Variants in ZDHHC14 observed in about 807,000 individuals in gnomAD.
The protein encoded by ZDHHC14 is palmitoyltransferase ZDHHC14.
Under a neutral mutation model 47.7 loss-of-function variants are expected in ZDHHC14, and 16 were observed. The observed-to-expected ratio is 0.34, with a 90% CI of 0.23 to 0.51. The LOEUF (loss-of-function observed/expected upper bound fraction) is 0.51, where lower values mean the gene tolerates loss of function less well. ZDHHC14 is among the 20% of genes least tolerant of loss of function. ZDHHC14 has a pLI of 0.97. For synonymous variants in ZDHHC14, 293 were observed against 278.9 expected, an observed-to-expected ratio of 1.05 and a Z score of -0.50; for missense variants, 515 against 662.5, an observed-to-expected ratio of 0.78 and a Z score of 2.44.
chr6:157,492,190 T>C (rs1244530082), intron 1 of ZDHHC14, among the ~76,000 whole-genome samples: 126 of 118,738 alleles, frequency 1.1e-3, no homozygotes, highest in African/African-American at 2.3e-3. Flanking sequence ...ACCCTCAACA[T>C]CCCCCCTCCG....
chr6:157,430,788 G>T lies in ZDHHC14; in HGVS notation c.245+48522G>T, dbSNP rs139721956. On this transcript the variant is annotated intron_variant, in intron 1 of 8. Coordinates refer to ENST00000359775, the MANE Select transcript of ZDHHC14 (RefSeq NM_024630.3). ...CTATTCTGCCTACTGCATATGTTTT[G>T]AAGATCTTCAATCACTGGTGGCCCT... 1.6e-3 allele frequency among the ~76,000 whole-genome samples: 248 copies of T among 152,354 alleles called. 1 individual carries two copies. The highest frequency in any genetic ancestry group is 2.8e-3 in the Non-Finnish European group (188 of 68,026).
chr6:157,593,181 C>G, intron 3 of ZDHHC14, 35 bp downstream of exon 3: 3 of 1,582,134 alleles, frequency 1.9e-6, no homozygotes, highest in African/African-American at 1.4e-5. Context: ...GGCGGGAGCC[C>G]GGGTCCTCCG....
Position 157,427,734 on chromosome 6 carries a change from G to C in ZDHHC14, c.245+45468G>C, listed in dbSNP as rs1272209875. On this transcript the variant is annotated intron_variant, in intron 1 of 8. Transcript: ENST00000359775. The surrounding 1 kb of genome is among the most constrained non-coding windows in gnomAD (Gnocchi z 4.4). ...CAGATGCGCTAGGGCTGTTCCTCCT[G>C]GAGTAGTGGGAGTCAGAAACACACT... is the stretch of plus-strand genomic sequence containing the variant. Among the ~76,000 whole-genome samples the C allele has an allele frequency of 1.3e-5, 2 of 152,108 alleles. No homozygotes were observed. The highest frequency in any genetic ancestry group is 2.4e-5 in the African/African-American group (1 of 41,414).
chr6:157,524,387 G>A (rs2114772353), intron 1 of ZDHHC14, among the ~76,000 whole-genome samples: 1 of 152,060 alleles, frequency 6.6e-6, no homozygotes, highest in African/African-American at 2.4e-5. Context: ...GCCTGCCTCG[G>A]CCTCCCAAAG....
intron 3 of ZDHHC14, among the ~76,000 whole-genome samples, chr6:157,594,021 T>C (rs998874559): frequency 3.3e-5 from 5 of 152,196 alleles, no homozygotes; most frequent in African/African-American, 1.2e-4. Context: ...GAATAAGCAA[T>C]GGAAACCCTG....
chr6:157,513,090 A>T (rs1474919918), intron 1 of ZDHHC14, among the ~76,000 whole-genome samples: 1 of 152,262 alleles, frequency 6.6e-6, no homozygotes, highest in Non-Finnish European at 1.5e-5. Flanking sequence ...ACTTCTGCAT[A>T]AACGTCTGGC....
intron 1 of ZDHHC14, among the ~76,000 whole-genome samples, chr6:157,388,913 A>G (rs1777368698): frequency 6.6e-6 from 1 of 152,180 alleles, no homozygotes; most frequent in Admixed American, 6.5e-5. Context: ...AGGTCGTCAC[A>G]GTCTGAGCTT....
At position 157,502,074 on chromosome 6, in the gene ZDHHC14, A is replaced by C. The variant is rs1780206289; in HGVS notation, c.246-40511A>C. On this transcript the variant is annotated intron_variant, in intron 1 of 8. Coordinates refer to ENST00000359775, the MANE Select transcript of ZDHHC14 (RefSeq NM_024630.3). This position sits in a 1 kb window ranked among gnomAD's most constrained non-coding sequence, Gnocchi z 4.0. ...TCTCATAATCCACCCAACAGTCTTGAAGTGTTCTTCTTGCTGCAATTGAGA... is the reference window on the plus strand; with the variant it reads ...TCTCATAATCCACCCAACAGTCTTGCAGTGTTCTTCTTGCTGCAATTGAGA... Among the ~76,000 whole-genome samples the C allele has an allele frequency of 6.6e-6, 1 of 152,172 alleles. No homozygotes were observed. Among genetic ancestry groups the C allele is most frequent in the Admixed American group, 6.5e-5 (1 of 15,282 alleles).
Position 157,673,153 on chromosome 6 carries a change from A to G in ZDHHC14, c.*31A>G, listed in dbSNP as rs1308737690. 1 of 1,537,576 alleles carries G rather than the reference A, an allele frequency of 6.5e-7. No homozygotes were observed. Reference sequence around the variant, plus strand: ...ATGGCCCCAGGCCGGGGGACACCAGAGGCTCCTCCATGGGCAGCAGGAGTG... The same window carrying G: ...ATGGCCCCAGGCCGGGGGACACCAGGGGCTCCTCCATGGGCAGCAGGAGTG... On this transcript the variant is annotated 3_prime_UTR_variant, in exon 9 of 9. Coordinates refer to ENST00000359775, the MANE Select transcript of ZDHHC14 (RefSeq NM_024630.3). The surrounding 1 kb of genome is among the most constrained non-coding windows in gnomAD (Gnocchi z 5.4).
intron 1 of ZDHHC14, among the ~76,000 whole-genome samples, chr6:157,436,347 G>A (rs1312259705): frequency 6.6e-6 from 1 of 152,200 alleles, no homozygotes; most frequent in Non-Finnish European, 1.5e-5. Flanking sequence ...ACGCAGTGAA[G>A]CATGTGCTTG....
intron 2 of ZDHHC14, among the ~76,000 whole-genome samples, chr6:157,563,289 A>C (rs1782779847): frequency 6.6e-6 from 1 of 152,222 alleles, no homozygotes; most frequent in Admixed American, 6.5e-5. Flanking sequence ...CCCCTGCCCG[A>C]GCTTGGCCTG....
At chr6:157,422,267 T>G (rs1030632474) in intron 1 of ZDHHC14, among the ~76,000 whole-genome samples, 1 of 152,194 alleles carries the variant, frequency 6.6e-6, no homozygotes, top group African/African-American at 2.4e-5. Context: ...TGTGTTAAGA[T>G]AGATGTGGAC....
chr6:157,535,475 C>T (rs1462370560), intron 1 of ZDHHC14, among the ~76,000 whole-genome samples: 3 of 152,134 alleles, frequency 2.0e-5, no homozygotes, highest in East Asian at 1.9e-4. Flanking sequence ...TGAAACTGAA[C>T]ATCAAGTTTG....
In ZDHHC14 at chr6:157,676,015, AG is replaced by A. The variant is rs1345143505; in HGVS notation, c.*2895del. 6.6e-6 allele frequency: 1 copy of A among 152,136 alleles called. No homozygotes were observed. The highest frequency in any genetic ancestry group is 1.9e-4 in the East Asian group (1 of 5,186). 9.4% of individuals were successfully genotyped at this position (152,136 alleles called of 1,614,324 possible). ...GAACCACAGGCTTCCCGGCACTTGAAGGCTGAACTGAGCGTGAGTGCCCTGG... is the reference window on the plus strand; with the variant it reads ...GAACCACAGGCTTCCCGGCACTTGAAGCTGAACTGAGCGTGAGTGCCCTGG... On this transcript the variant is annotated 3_prime_UTR_variant, in exon 9 of 9. Transcript: ENST00000359775.
intron 1 of ZDHHC14, among the ~76,000 whole-genome samples, chr6:157,507,250 A>C (rs1026134368): frequency 1.6e-4 from 25 of 151,560 alleles, no homozygotes; most frequent in African/African-American, 5.3e-4. Flanking sequence ...TGTACTATGA[A>C]TATTTCCTTA....
chr6:157,501,454 T>C (rs1780191033), intron 1 of ZDHHC14, among the ~76,000 whole-genome samples: 1 of 149,596 alleles, frequency 6.7e-6, no homozygotes, highest in South Asian at 2.1e-4. Context: ...CTAAATTAGC[T>C]GTATCTTTCT....
intron 1 of ZDHHC14, among the ~76,000 whole-genome samples, chr6:157,517,321 CT>C (rs34872988): frequency 6.9e-5 from 10 of 145,920 alleles, no homozygotes; most frequent in Non-Finnish European, 1.1e-4. Flanking sequence ...TATAGTATCT[CT>C]TTTTTTTTTT....
At chr6:157,651,070 G>A (rs975083989) in intron 7 of ZDHHC14, among the ~76,000 whole-genome samples, 9 of 152,240 alleles carry the variant, frequency 5.9e-5, no homozygotes, top group East Asian at 1.9e-4. Flanking sequence ...CTCCCTCTGC[G>A]GCTCTCTTGG....
At position 157,653,520 on chromosome 6, in the gene ZDHHC14, C is replaced by T. The variant is rs181518305; in HGVS notation, c.966-5C>T. 2.4e-5 allele frequency: 39 copies of T among 1,613,460 alleles called. No homozygotes were observed. Among genetic ancestry groups the T allele is most frequent in the East Asian group, 1.3e-4 (6 of 44,878 alleles). On this transcript the variant is annotated splice_region_variant and splice_polypyrimidine_tract_variant and intron_variant, in intron 7 of 8. Transcript: ENST00000359775. Reference sequence around the variant, plus strand: ...CTTCCTGCTGTGTTTTCTTTTCTCTCGCAGCCTGATCGACAGAAGAGGGTA... The same window carrying T: ...CTTCCTGCTGTGTTTTCTTTTCTCTTGCAGCCTGATCGACAGAAGAGGGTA...
Sources: allele counts gnomAD v4.1 joint callset (sites outside exome capture counted in the v4.1 genomes callset), GRCh38; gene constraint gnomAD v4.1.1; non-coding constraint Gnocchi (gnomAD v3.1); transcripts MANE v1.5; gene names NCBI Gene and HGNC (gene_info 2026-07-23, HGNC 2026-07-21).